Variants in SLC10A7 observed in about 807,000 individuals in gnomAD.
SLC10A7 encodes the protein sodium/bile acid cotransporter 7.
In SLC10A7, 29 loss-of-function variants were observed where a neutral mutation model predicts 43.2. The observed-to-expected ratio is 0.67, with a 90% CI of 0.50 to 0.92. The LOEUF (loss-of-function observed/expected upper bound fraction) is 0.92, where lower values mean the gene tolerates loss of function less well. Ranked by LOEUF, SLC10A7 falls within the 40% of genes least tolerant of loss-of-function variation. The pLI, the probability that SLC10A7 is intolerant of heterozygous loss-of-function variation, is 0.00. For synonymous variants in SLC10A7, 152 were observed against 144.8 expected, an observed-to-expected ratio of 1.05 and a Z score of -0.35; for missense variants, 295 against 403.2, an observed-to-expected ratio of 0.73 and a Z score of 2.30.
intron 10 of SLC10A7, among the ~76,000 whole-genome samples, chr4:146,276,951 A>G (rs1350217849): frequency 7.8e-6 from 1 of 128,198 alleles, no homozygotes; most frequent in Non-Finnish European, 1.7e-5. Flanking sequence ...GACTCCATCT[A>G]AAAAAAAAAA....
intron 4 of SLC10A7, among the ~76,000 whole-genome samples, chr4:146,478,910 A>G (rs1363208220): frequency 6.6e-6 from 1 of 152,186 alleles, no homozygotes; most frequent in African/African-American, 2.4e-5. Context: ...TTTTCCCAAG[A>G]AAACAAAAAT....
At chr4:146,333,817 G>C (rs10008275) in intron 5 of SLC10A7, among the ~76,000 whole-genome samples, 34,623 of 151,574 alleles carry the variant, frequency 0.23, 4,282 homozygotes, top group African/African-American at 0.32. Flanking sequence ...CTGTGGTTAG[G>C]TAAGAATCAC....
chr4:146,268,987 T>C (rs1460491931), intron 10 of SLC10A7, among the ~76,000 whole-genome samples: 13 of 152,218 alleles, frequency 8.5e-5, no homozygotes, highest in Non-Finnish European at 1.8e-4. Flanking sequence ...AAGGTGCTTA[T>C]TACTTGGCAG....
intron 4 of SLC10A7, among the ~76,000 whole-genome samples, chr4:146,449,178 G>A (rs1451057911): frequency 6.6e-6 from 1 of 152,148 alleles, no homozygotes; most frequent in Non-Finnish European, 1.5e-5. Context: ...TTCCCACTGG[G>A]TGACAGGGAT....
intron 5 of SLC10A7, among the ~76,000 whole-genome samples, chr4:146,421,804 C>T (rs1250718313): frequency 6.6e-6 from 1 of 152,176 alleles, no homozygotes; most frequent in Admixed American, 6.5e-5. Context: ...CTCAGGTTGA[C>T]CTTCTCCACT....
intron 7 of SLC10A7, among the ~76,000 whole-genome samples, chr4:146,296,058 C>T (rs1179536766): frequency 6.6e-6 from 1 of 152,170 alleles, no homozygotes; most frequent in Admixed American, 6.5e-5. Context: ...ATACAGATGT[C>T]CCTTGGTATC....
At chr4:146,280,472 C>T (rs1729478535) in intron 10 of SLC10A7, among the ~76,000 whole-genome samples, 1 of 152,090 alleles carries the variant, frequency 6.6e-6, no homozygotes, top group Non-Finnish European at 1.5e-5. Flanking sequence ...AATCTCTATA[C>T]CTTCCACTCA....
At chr4:146,344,121 G>A in intron 5 of SLC10A7, among the ~76,000 whole-genome samples, 1 of 151,952 alleles carries the variant, frequency 6.6e-6, no homozygotes, top group East Asian at 1.9e-4. Flanking sequence ...ATCAGTTCTT[G>A]AAAGATAAAC....
intron 5 of SLC10A7, among the ~76,000 whole-genome samples, chr4:146,349,072 T>C (rs1734830450): frequency 6.6e-6 from 1 of 152,208 alleles, no homozygotes; most frequent in Non-Finnish European, 1.5e-5. Context: ...AATGCTGAAA[T>C]ATGTTTTCTC....
intron 4 of SLC10A7, among the ~76,000 whole-genome samples, chr4:146,491,161 C>T (rs748568008): frequency 5.3e-5 from 8 of 152,088 alleles, no homozygotes; most frequent in Non-Finnish European, 1.2e-4. Context: ...ATGGGCAAGG[C>T]TTCAACTACT....
intron 9 of SLC10A7, 55 bp downstream of exon 9, chr4:146,292,874 G>C: frequency 7.9e-7 from 1 of 1,268,216 alleles, no homozygotes; most frequent in Non-Finnish European, 1.1e-6. Context: ...TAGCCAAGTA[G>C]ACCGCATGAT....
intron 9 of SLC10A7, among the ~76,000 whole-genome samples, chr4:146,292,694 T>C (rs76651075): frequency 0.031 from 4,675 of 152,146 alleles, 232 homozygotes; most frequent in African/African-American, 0.11. Flanking sequence ...GCCAGTAGAA[T>C]GGAAGGGCCT....
intron 4 of SLC10A7, among the ~76,000 whole-genome samples, chr4:146,490,023 A>AT (rs139072133): frequency 0.016 from 2,394 of 148,470 alleles, 63 homozygotes; most frequent in African/African-American, 0.054. Flanking sequence ...CAAAAATTCT[A>AT]TTTTTTTTTT....
intron 5 of SLC10A7, among the ~76,000 whole-genome samples, chr4:146,440,290 C>CT (rs750335598): frequency 2.7e-5 from 4 of 145,508 alleles, no homozygotes; most frequent in Non-Finnish European, 4.5e-5. Flanking sequence ...CTTTTCTTTT[C>CT]TTTTTTTTTT....
chr4:146,475,513 C>T (rs756299668), intron 4 of SLC10A7, among the ~76,000 whole-genome samples: 5 of 152,150 alleles, frequency 3.3e-5, no homozygotes, highest in Non-Finnish European at 5.9e-5. Context: ...TCCTTGCCTT[C>T]CACGATTGCC....
intron 10 of SLC10A7, among the ~76,000 whole-genome samples, chr4:146,267,340 C>G (rs530302326): frequency 6.6e-6 from 1 of 152,216 alleles, no homozygotes; most frequent in East Asian, 1.9e-4. Flanking sequence ...TGCACAGCCC[C>G]CAGAATTCCA....
intron 10 of SLC10A7, among the ~76,000 whole-genome samples, chr4:146,280,202 A>C (rs1729459264): frequency 6.6e-6 from 1 of 152,218 alleles, no homozygotes; most frequent in African/African-American, 2.4e-5. Flanking sequence ...ACACATATAT[A>C]ATCAGAAGAA....
chr4:146,462,878 GA>G (rs1402836325), intron 4 of SLC10A7, among the ~76,000 whole-genome samples: 1 of 152,118 alleles, frequency 6.6e-6, no homozygotes, highest in Non-Finnish European at 1.5e-5. Context: ...AATCACCTGT[GA>G]AGATACTCTC....
rs145738694 is a variant in SLC10A7 at position 146,385,823 on chromosome 4, C to T, written c.435+56960G>A. Among the ~76,000 whole-genome samples the T allele has an allele frequency of 4.2e-3, 635 of 152,286 alleles. 3 individuals are homozygous for T. The highest frequency in any genetic ancestry group is 0.014 in the African/African-American group (582 of 41,562). ...ATGTCCGTAAGTACCCAGTGTTTAGCTCCCACTTACAAGTGAGAACATGCA... is the reference window on the plus strand; with the variant it reads ...ATGTCCGTAAGTACCCAGTGTTTAGTTCCCACTTACAAGTGAGAACATGCA... On this transcript the variant is annotated intron_variant, in intron 5 of 11. Transcript: ENST00000335472.
Sources: gnomAD v4.1 joint callset for allele counts (sites outside exome capture counted in the v4.1 genomes callset) on GRCh38, gnomAD v4.1.1 for gene constraint, MANE v1.5 for transcripts, NCBI Gene and HGNC (gene_info 2026-07-23, HGNC 2026-07-21) for gene names.